CSMD1: variants seen among roughly 807,000 people sequenced by gnomAD.
The protein encoded by CSMD1 is CUB and Sushi multiple domains 1.
CSMD1 carries 213 observed loss-of-function variants against 417.5 expected under a neutral mutation model. The ratio of observed to expected loss-of-function variants is 0.51; its 90% CI spans 0.46 to 0.57. The LOEUF (loss-of-function observed/expected upper bound fraction) is 0.57. Ranked by LOEUF, CSMD1 falls within the 20% of genes least tolerant of loss-of-function variation. The pLI, the probability that CSMD1 is intolerant of heterozygous loss-of-function variation, is 0.00. For synonymous variants in CSMD1, 2,862 were observed against 1,736.8 expected, an observed-to-expected ratio of 1.65 and a Z score of -16.11; for missense variants, 6,923 against 4,529.7, an observed-to-expected ratio of 1.53 and a Z score of -15.17.
intron 7 of CSMD1, among the ~76,000 whole-genome samples, chr8:3,664,938 G>C (rs1306754185): frequency 6.6e-6 from 1 of 152,000 alleles, no homozygotes; most frequent in Non-Finnish European, 1.5e-5. Context: ...TTGTCTCTGT[G>C]CGTCAAAGAT....
At chr8:4,790,966 G>A (rs1342176187) in intron 1 of CSMD1, among the ~76,000 whole-genome samples, 1 of 152,120 alleles carries the variant, frequency 6.6e-6, no homozygotes, top group Non-Finnish European at 1.5e-5. Context: ...TAAGACAAAA[G>A]TAAAAATTGA....
chr8:3,938,199 T>C (rs924028138), intron 5 of CSMD1, among the ~76,000 whole-genome samples: 4 of 152,170 alleles, frequency 2.6e-5, no homozygotes, highest in Non-Finnish European at 5.9e-5. Context: ...CCTGTCATTT[T>C]TGGGTAACAT....
intron 2 of CSMD1, among the ~76,000 whole-genome samples, chr8:4,621,635 C>T (rs960857695): frequency 6.6e-6 from 1 of 152,026 alleles, no homozygotes; most frequent in African/African-American, 2.4e-5. Flanking sequence ...CAAAATTACA[C>T]AGTTTTAGAA....
intron 54 of CSMD1, 80 bp downstream of exon 54, chr8:2,997,931 G>A: frequency 3.7e-6 from 5 of 1,363,274 alleles, no homozygotes; most frequent in Non-Finnish European, 5.0e-6. Flanking sequence ...TTGATTCATG[G>A]AGACAGGCTC....
chr8:4,236,033 TTG>T (rs1276149181), intron 3 of CSMD1, among the ~76,000 whole-genome samples: 12 of 11,356 alleles, frequency 1.1e-3, no homozygotes, highest in African/African-American at 1.8e-3. Flanking sequence ...ATTGTTTTTT[TTG>T]TTTGTTTTTT....
At chr8:3,316,579 C>T (rs1270704187) in intron 23 of CSMD1, among the ~76,000 whole-genome samples, 3 of 152,142 alleles carry the variant, frequency 2.0e-5, no homozygotes, top group Admixed American at 6.5e-5. Flanking sequence ...ACGCCATCCA[C>T]TCAGAGGGAG....
intron 10 of CSMD1, among the ~76,000 whole-genome samples, chr8:3,533,382 G>C (rs917634800): frequency 4.6e-5 from 7 of 152,128 alleles, no homozygotes; most frequent in African/African-American, 1.2e-4. Context: ...TCCTTGAACA[G>C]TGACTCCTCA....
chr8:4,075,360 G>T (rs1001023053), intron 3 of CSMD1, among the ~76,000 whole-genome samples: 8 of 151,984 alleles, frequency 5.3e-5, no homozygotes, highest in Admixed American at 1.3e-4. Context: ...ATGAAGTGCT[G>T]AATTTTTTTT....
intron 39 of CSMD1, among the ~76,000 whole-genome samples, chr8:3,154,397 G>C (rs968159909): frequency 6.6e-6 from 1 of 152,198 alleles, no homozygotes; most frequent in Non-Finnish European, 1.5e-5. Flanking sequence ...CTCCATGCCA[G>C]ACCCTTTCTT....
At chr8:4,717,686 G>A (rs137978061) in intron 1 of CSMD1, among the ~76,000 whole-genome samples, 8 of 152,012 alleles carry the variant, frequency 5.3e-5, no homozygotes, top group African/African-American at 1.7e-4. Flanking sequence ...CTGTGATTCC[G>A]AAGAGGCTGG....
At chr8:4,589,677 A>G (rs17070693) in intron 2 of CSMD1, among the ~76,000 whole-genome samples, 8,481 of 152,194 alleles carry the variant, frequency 0.056, 474 homozygotes, top group Middle Eastern at 0.14. Context: ...AGCAAAAATA[A>G]CCTCCGCAAT....
At chr8:3,595,330 T>C (rs1458849195) in intron 8 of CSMD1, among the ~76,000 whole-genome samples, 2 of 152,234 alleles carry the variant, frequency 1.3e-5, no homozygotes, top group Non-Finnish European at 2.9e-5. Context: ...GTGCATCTGC[T>C]GTGGATATTG....
chr8:3,848,761 A>G lies in CSMD1; in HGVS notation c.819-94719T>C, dbSNP rs764218102. Among the ~76,000 whole-genome samples the G allele has an allele frequency of 4.6e-5, 7 of 152,262 alleles. No homozygotes were observed. In the East Asian group the frequency reaches 1.2e-3, roughly 25 times the overall value. ...GGTCCTGAACTACATGTGTCTAATT[A>G]TAATTGTCAAATATTTAGTACTGTA... is the stretch of plus-strand genomic sequence containing the variant. On this transcript the variant is annotated intron_variant, in intron 5 of 69. Coordinates refer to ENST00000635120, the MANE Select transcript of CSMD1 (RefSeq NM_033225.6).
At chr8:3,263,964 T>G (rs1052234304) in intron 26 of CSMD1, among the ~76,000 whole-genome samples, 1 of 152,234 alleles carries the variant, frequency 6.6e-6, no homozygotes, top group African/African-American at 2.4e-5. Flanking sequence ...CAGCATAAAA[T>G]TCTATTTTTT....
At chr8:3,677,084 T>A (rs73183346) in intron 7 of CSMD1, among the ~76,000 whole-genome samples, 21,292 of 151,994 alleles carry the variant, frequency 0.14, 1,677 homozygotes, top group South Asian at 0.21. Flanking sequence ...ATTGGGTAGA[T>A]AGGTGCAACA....
chr8:3,321,880 T>C (rs1470235176), intron 23 of CSMD1, among the ~76,000 whole-genome samples: 7 of 152,168 alleles, frequency 4.6e-5, no homozygotes, highest in Admixed American at 2.6e-4. Context: ...GATTTAAAAA[T>C]AGCACTCAAC....
chr8:4,483,935 T>C (rs1206073752), intron 2 of CSMD1, among the ~76,000 whole-genome samples: 1 of 152,210 alleles, frequency 6.6e-6, no homozygotes, highest in African/African-American at 2.4e-5. Context: ...CACTTTGTTG[T>C]ATAATGTCGT....
chr8:4,073,249 G>A (rs944113242), intron 3 of CSMD1, among the ~76,000 whole-genome samples: 2 of 152,138 alleles, frequency 1.3e-5, no homozygotes, highest in Admixed American at 1.3e-4. Flanking sequence ...ATTAAATGAT[G>A]AGAAGGTAAA....
chr8:4,846,081 C>A (rs558527524), intron 1 of CSMD1, among the ~76,000 whole-genome samples: 8 of 152,300 alleles, frequency 5.3e-5, no homozygotes, highest in Admixed American at 4.6e-4. Flanking sequence ...CGTCCCAAAT[C>A]AAACAGTTGC....
Sources: gnomAD v4.1 joint callset for allele counts (sites outside exome capture counted in the v4.1 genomes callset) on GRCh38, gnomAD v4.1.1 for gene constraint, MANE v1.5 for transcripts, NCBI Gene and HGNC (gene_info 2026-07-23, HGNC 2026-07-21) for gene names.